Variants in CTNNA3 observed in about 807,000 individuals in gnomAD.
CTNNA3 encodes catenin alpha-3.
In CTNNA3, 76 loss-of-function variants were observed where a neutral mutation model predicts 95.7. The ratio of observed to expected loss-of-function variants is 0.79; its 90% CI spans 0.66 to 0.96. CTNNA3 has a LOEUF of 0.96. Ranked by LOEUF, CTNNA3 falls within the 40% of genes least tolerant of loss-of-function variation. CTNNA3 has a pLI of 0.00. For synonymous variants in CTNNA3, 431 were observed against 374.4 expected (o/e 1.15, Z -1.74); for missense variants, 1,191 against 1,089.8 (o/e 1.09, Z -1.31).
chr10:66,465,308 T>C (rs184610370), intron 11 of CTNNA3, among the ~76,000 whole-genome samples: 67 of 152,268 alleles, frequency 4.4e-4, no homozygotes, highest in African/African-American at 1.6e-3. Flanking sequence ...GAAGAAAATC[T>C]CTTCTGAGAC....
intron 14 of CTNNA3, among the ~76,000 whole-genome samples, chr10:66,084,342 T>C (rs1252491931): frequency 6.6e-6 from 1 of 151,944 alleles, no homozygotes; most frequent in African/African-American, 2.4e-5. Flanking sequence ...AAATAATTCA[T>C]GTACTCCATA....
chr10:66,882,178 G>A (rs1844874759), intron 7 of CTNNA3, among the ~76,000 whole-genome samples: 1 of 152,014 alleles, frequency 6.6e-6, no homozygotes, highest in Admixed American at 6.6e-5. Flanking sequence ...GTTCTTAGGG[G>A]TCTTTGGTGG....
At chr10:66,995,278 C>G (rs563923468) in intron 7 of CTNNA3, among the ~76,000 whole-genome samples, 1 of 152,248 alleles carries the variant, frequency 6.6e-6, no homozygotes, top group Admixed American at 6.5e-5. Context: ...GACACTTTTT[C>G]CTCTCTGTTA....
At chr10:67,480,330 T>C (rs759653390) in intron 5 of CTNNA3, among the ~76,000 whole-genome samples, 1 of 152,136 alleles carries the variant, frequency 6.6e-6, no homozygotes, top group African/African-American at 2.4e-5. Context: ...TGAACACAGA[T>C]GTAAAAATCC....
rs564632839 is a variant in CTNNA3, at chr10:67,023,882, T to C, written c.1047+156435A>G. 4.6e-5 allele frequency among the ~76,000 whole-genome samples: 7 copies of C among 152,322 alleles called. No individual in the cohort carries two copies. In the South Asian group the frequency reaches 1.5e-3, roughly 32 times the overall value. ...CTTCAGGTAGAATGACACTCAATACTTGGATGGTGTTACTATGAAATTCAT... is the reference window on the plus strand; with the variant it reads ...CTTCAGGTAGAATGACACTCAATACCTGGATGGTGTTACTATGAAATTCAT... On this transcript the variant is annotated intron_variant, in intron 7 of 17. Coordinates refer to ENST00000433211, the MANE Select transcript of CTNNA3 (RefSeq NM_013266.4).
intron 7 of CTNNA3, among the ~76,000 whole-genome samples, chr10:67,067,620 T>G (rs1170375054): frequency 6.6e-6 from 1 of 152,190 alleles, no homozygotes; most frequent in African/African-American, 2.4e-5. Flanking sequence ...TCTCCTAGCT[T>G]TTTCCTTAGA....
upstream of CTNNA3, among the ~76,000 whole-genome samples, chr10:67,700,536 C>A (rs910144189): frequency 2.0e-5 from 3 of 152,164 alleles, no homozygotes; most frequent in Non-Finnish European, 2.9e-5. Flanking sequence ...GGACCTCTAG[C>A]AAACTCCAAC....
chr10:66,969,341 C>T (rs1389349320), intron 7 of CTNNA3, among the ~76,000 whole-genome samples: 3 of 151,996 alleles, frequency 2.0e-5, no homozygotes, highest in African/African-American at 7.3e-5. Flanking sequence ...AAAACTTCTT[C>T]AAAATCATGA....
intron 12 of CTNNA3, among the ~76,000 whole-genome samples, chr10:66,337,326 A>G (rs2092408099): frequency 1.3e-5 from 2 of 152,132 alleles, no homozygotes; most frequent in Non-Finnish European, 2.9e-5. Flanking sequence ...ACTACTTTTA[A>G]GCATCTCAAA....
intron 7 of CTNNA3, among the ~76,000 whole-genome samples, chr10:67,039,262 C>A (rs1700693490): frequency 6.6e-6 from 1 of 152,046 alleles, no homozygotes; most frequent in African/African-American, 2.4e-5. Flanking sequence ...AGAACTGTAG[C>A]AGCTGTTAGA....
chr10:67,369,047 A>G (rs1231212368), intron 5 of CTNNA3, among the ~76,000 whole-genome samples: 1 of 152,168 alleles, frequency 6.6e-6, no homozygotes, highest in East Asian at 1.9e-4. Flanking sequence ...GGATCTTTTG[A>G]GCCTAAAAGC....
chr10:67,041,824 T>C (rs892871366), intron 7 of CTNNA3, among the ~76,000 whole-genome samples: 19 of 152,224 alleles, frequency 1.2e-4, no homozygotes, highest in South Asian at 1.2e-3. Flanking sequence ...TAAAGTGCTG[T>C]AGCTGATATA....
intron 7 of CTNNA3, among the ~76,000 whole-genome samples, chr10:67,117,731 ATGTCT>A (rs1804559652): frequency 6.6e-6 from 1 of 152,058 alleles, no homozygotes; most frequent in African/African-American, 2.4e-5. Context: ...TTAATTTGAA[ATGTCT>A]TGGTTTGAAA....
At chr10:67,084,776 T>TA (rs897521837) in intron 7 of CTNNA3, among the ~76,000 whole-genome samples, 9 of 151,952 alleles carry the variant, frequency 5.9e-5, no homozygotes, top group African/African-American at 1.9e-4. Flanking sequence ...CTGTATCGCA[T>TA]AAAAAATCTG....
intron 17 of CTNNA3, among the ~76,000 whole-genome samples, chr10:65,944,854 G>GTCTACCTA: frequency 6.9e-6 from 1 of 144,950 alleles, no homozygotes; most frequent in South Asian, 2.2e-4. Context: ...GAAAATATCT[G>GTCTACCTA]TCTATCTATC....
chr10:67,160,619 T>C (rs944027405), intron 7 of CTNNA3, among the ~76,000 whole-genome samples: 1 of 151,956 alleles, frequency 6.6e-6, no homozygotes, highest in Non-Finnish European at 1.5e-5. Context: ...ATATTTTTTG[T>C]AGAAACGGGG....
At chr10:67,199,202 A>T (rs1409159777) in intron 6 of CTNNA3, among the ~76,000 whole-genome samples, 1 of 152,194 alleles carries the variant, frequency 6.6e-6, no homozygotes, top group African/African-American at 2.4e-5. Flanking sequence ...TTCACACTGC[A>T]AGTAATAAAA....
intron 1 of CTNNA3, among the ~76,000 whole-genome samples, chr10:67,702,648 G>C (rs1841050683): frequency 1.3e-5 from 2 of 152,164 alleles, no homozygotes; most frequent in Admixed American, 1.3e-4. Context: ...GAAATTTATA[G>C]CACTAAATGC....
rs1204389443 is a variant in CTNNA3, at chr10:67,302,002, C to CGAAAGAAAGAAA, written c.580-82144_580-82133dup. 5.9e-4 allele frequency among the ~76,000 whole-genome samples: 33 copies of CGAAAGAAAGAAA among 55,940 alleles called. 3 individuals are homozygous for CGAAAGAAAGAAA. Among genetic ancestry groups the CGAAAGAAAGAAA allele is most frequent in the East Asian group, 1.2e-3 (2 of 1,648 alleles). The allele number at this position is 55,940 out of a possible 152,430, so 36.7% of individuals were successfully genotyped here. ...AAGAAAGAAAGAAAGAACGAAAGAA[C>CGAAAGAAAGAAA]GAAAGAAAGAAAGAAAGAAAGAAAG... On this transcript the variant is annotated intron_variant, in intron 5 of 17. Transcript: ENST00000433211.
Sources: gnomAD v4.1 joint callset for allele counts (sites outside exome capture counted in the v4.1 genomes callset) on GRCh38, gnomAD v4.1.1 for gene constraint, MANE v1.5 for transcripts, NCBI Gene and HGNC (gene_info 2026-07-23, HGNC 2026-07-21) for gene names.